Variants in CNTN3 observed in about 807,000 individuals in gnomAD.
CNTN3 encodes the protein contactin 3.
CNTN3 carries 60 observed loss-of-function variants against 119.1 expected under a neutral mutation model. The ratio of observed to expected loss-of-function variants is 0.50; its 90% CI spans 0.41 to 0.62. The LOEUF (loss-of-function observed/expected upper bound fraction) is 0.62, where lower values mean the gene tolerates loss of function less well. Among genes scored for constraint, CNTN3 ranks in the 20% least tolerant of loss-of-function variants. The probability of loss-of-function intolerance (pLI) is 0.00; values close to 1 mark genes in which losing one functional copy is unlikely to be tolerated. For missense variants in CNTN3, 1,101 were observed against 1,242.4 expected, an observed-to-expected ratio of 0.89 and a Z score of 1.71; for synonymous variants, 450 against 438.7, an observed-to-expected ratio of 1.03 and a Z score of -0.32.
intron 4 of CNTN3, among the ~76,000 whole-genome samples, chr3:74,436,556 A>G (rs2106919561): frequency 6.6e-6 from 1 of 152,358 alleles, no homozygotes; most frequent in Admixed American, 6.5e-5. Flanking sequence ...TTACGCTAGT[A>G]ACAATTTCAC....
intron 1 of CNTN3, among the ~76,000 whole-genome samples, chr3:74,566,413 A>G (rs1704226907): frequency 1.3e-5 from 2 of 152,108 alleles, no homozygotes; most frequent in South Asian, 2.1e-4. Context: ...TATTCTCTCA[A>G]TGTTATAGAG....
intron 1 of CNTN3, among the ~76,000 whole-genome samples, chr3:74,594,633 T>A (rs1225446847): frequency 1.3e-5 from 2 of 152,176 alleles, no homozygotes; most frequent in African/African-American, 4.8e-5. Context: ...AACTCATCAT[T>A]TTTTATGGCT....
chr3:74,588,074 C>A (rs1200535045), intron 1 of CNTN3, among the ~76,000 whole-genome samples: 3 of 152,172 alleles, frequency 2.0e-5, no homozygotes, highest in African/African-American at 7.2e-5. Flanking sequence ...GTCTTTGGTT[C>A]TGTTTATATG....
chr3:74,567,055 A>C (rs976385884), intron 1 of CNTN3, among the ~76,000 whole-genome samples: 1 of 152,048 alleles, frequency 6.6e-6, no homozygotes, highest in Non-Finnish European at 1.5e-5. Context: ...TGGAGAGCGT[A>C]GCAGATACGA....
chr3:74,477,273 G>A (rs1414058461), intron 4 of CNTN3, among the ~76,000 whole-genome samples: 2 of 152,134 alleles, frequency 1.3e-5, no homozygotes, highest in African/African-American at 4.8e-5. Context: ...ATGAACATAA[G>A]CTTCAGACCC....
chr3:74,365,759 G>A, intron 8 of CNTN3, 57 bp from the exon 9 acceptor site: 1 of 1,545,190 alleles, frequency 6.5e-7, no homozygotes. Flanking sequence ...CAAATAAAAT[G>A]TATTTATTAT....
rs1169613715 is a variant in CNTN3 at position 74,266,618 on chromosome 3, A to G, written c.2849T>C (p.Val950Ala). The G allele has an allele frequency of 1.2e-6, 2 of 1,613,398 alleles. No individual in the cohort carries two copies. Among genetic ancestry groups the G allele is most frequent in the Admixed American group, 3.3e-5 (2 of 59,946 alleles). The change falls in exon 22 of 23, where the codon GTA becomes GCA. Residue 950 changes from valine (V) to alanine (A), a missense_variant. Coordinates refer to ENST00000263665, the MANE Select transcript of CNTN3 (RefSeq NM_020872.3). ...AGTTTTATTTGTGTTCAGTACTTGTACGTTATTTTGACTGCTAGTCCTATA... is the reference window on the plus strand; with the variant it reads ...AGTTTTATTTGTGTTCAGTACTTGTGCGTTATTTTGACTGCTAGTCCTATA... ...VFYRTSSQNN[V>A]QVLNTNKTSA...
intron 5 of CNTN3, among the ~76,000 whole-genome samples, chr3:74,379,637 AAG>A (rs1298433437): frequency 2.0e-5 from 3 of 152,046 alleles, no homozygotes; most frequent in Non-Finnish European, 4.4e-5. Context: ...AATTATTTTA[AAG>A]AGAACATCTC....
At chr3:74,314,882 C>T (rs910908057) in intron 13 of CNTN3, among the ~76,000 whole-genome samples, 18 of 152,108 alleles carry the variant, frequency 1.2e-4, no homozygotes, top group African/African-American at 4.3e-4. Context: ...TGAGTCACAG[C>T]CATAGTAAAA....
At chr3:74,581,874 G>A (rs1704515312) in intron 1 of CNTN3, among the ~76,000 whole-genome samples, 1 of 151,966 alleles carries the variant, frequency 6.6e-6, no homozygotes, top group Non-Finnish European at 1.5e-5. Flanking sequence ...AATAAATGTT[G>A]CTAGAAAAAA....
chr3:74,263,384 AT>A lies in CNTN3; in HGVS notation c.*1016del, dbSNP rs1441867486. The A allele has an allele frequency of 6.6e-6, 1 of 152,138 alleles. No homozygotes were observed. The highest frequency in any genetic ancestry group is 1.5e-5 in the Non-Finnish European group (1 of 67,998). The allele number at this position is 152,138 out of a possible 1,614,324, so 9.4% of individuals were successfully genotyped here. On this transcript the variant is annotated 3_prime_UTR_variant, in exon 23 of 23. Coordinates refer to ENST00000263665, the MANE Select transcript of CNTN3 (RefSeq NM_020872.3). ...AGAGGGTCCCTTAATGGAATTGGAAATTGAAATGAGGGATTATGTGGATTTT... is the reference window on the plus strand; with the variant it reads ...AGAGGGTCCCTTAATGGAATTGGAAATGAAATGAGGGATTATGTGGATTTT...
Position 74,364,496 on chromosome 3 carries a change from A to G in CNTN3, c.1184T>C (p.Val395Ala). ...AACTTTGAGCTCAGCACTGGAATAA[A>G]CAAGGCCATGTTTGTTTTCTGCTAT... The part of the protein sequence containing the change: ...QCIAENKHGL[V>A]YSSAELKVVA... Residue 395 changes from valine (V) to alanine (A), a missense_variant, in exon 10 of 23, where the codon GTT becomes GCT. Val to Ala is a moderately conservative substitution (Grantham distance 64, BLOSUM62 0). Coordinates refer to ENST00000263665, the MANE Select transcript of CNTN3 (RefSeq NM_020872.3). The G allele has an allele frequency of 6.2e-7, 1 of 1,612,690 alleles. No homozygotes were observed. The highest frequency in any genetic ancestry group is 8.5e-7 in the Non-Finnish European group (1 of 1,179,076).
At chr3:74,331,946 G>A (rs1703273274) in intron 13 of CNTN3, among the ~76,000 whole-genome samples, 1 of 152,188 alleles carries the variant, frequency 6.6e-6, no homozygotes, top group African/African-American at 2.4e-5. Context: ...CAAAAGGCCT[G>A]TGTTTTTTAA....
intron 11 of CNTN3, among the ~76,000 whole-genome samples, chr3:74,344,299 G>A (rs1703622850): frequency 1.3e-5 from 2 of 150,658 alleles, no homozygotes; most frequent in Non-Finnish European, 2.9e-5. Context: ...GTTCTTGCAA[G>A]ATAGAATAGT....
At chr3:74,401,215 G>A (rs11918491) in intron 5 of CNTN3, among the ~76,000 whole-genome samples, 2 of 152,068 alleles carry the variant, frequency 1.3e-5, no homozygotes, top group African/African-American at 4.8e-5. Flanking sequence ...CTTAGGAAGA[G>A]CCAACTTAAT....
chr3:74,315,292 T>C (rs1296069821), intron 13 of CNTN3, among the ~76,000 whole-genome samples: 2 of 152,186 alleles, frequency 1.3e-5, no homozygotes, highest in South Asian at 2.1e-4. Flanking sequence ...TAAACAACCA[T>C]AAAAATAGTT....
At chr3:74,464,578 A>G (rs186907820) in intron 4 of CNTN3, among the ~76,000 whole-genome samples, 6 of 152,286 alleles carry the variant, frequency 3.9e-5, no homozygotes, top group African/African-American at 1.4e-4. Flanking sequence ...ATTAGTCACA[A>G]ATATTTAATT....
chr3:74,297,906 C>G lies in CNTN3; in HGVS notation c.2401+51G>C, dbSNP rs1227145805. On this transcript the variant is annotated intron_variant, in intron 18 of 22. Coordinates refer to ENST00000263665, the MANE Select transcript of CNTN3 (RefSeq NM_020872.3). ...CGAGACTCCAAATCAGTTTTTGGAGCACAAATAATTATTATTAGGCGGAAC... is the reference window on the plus strand; with the variant it reads ...CGAGACTCCAAATCAGTTTTTGGAGGACAAATAATTATTATTAGGCGGAAC... 5 of 1,402,314 alleles carry G rather than the reference C, an allele frequency of 3.6e-6. No individual in the cohort carries two copies. The African/African-American group carries it at 5.8e-5, about 16-fold the overall frequency. The allele number at this position is 1,402,314 out of a possible 1,614,324, so 86.9% of individuals were successfully genotyped here.
intron 2 of CNTN3, among the ~76,000 whole-genome samples, chr3:74,503,264 C>T (rs1310911390): frequency 6.6e-6 from 1 of 152,126 alleles, no homozygotes; most frequent in Non-Finnish European, 1.5e-5. Context: ...CAACAGCCTG[C>T]TTTTTCAACT....
Sources: gnomAD v4.1 joint callset for allele counts (sites outside exome capture counted in the v4.1 genomes callset) on GRCh38, gnomAD v4.1.1 for gene constraint, MANE v1.5 for transcripts, NCBI Gene and HGNC (gene_info 2026-07-23, HGNC 2026-07-21) for gene names.